The following UBE3C variants were observed in gnomAD, a reference collection of about 807,000 sequenced individuals.
The protein encoded by UBE3C is ubiquitin protein ligase E3C.
Under a neutral mutation model 129.4 loss-of-function variants are expected in UBE3C, and 42 were observed. The observed-to-expected ratio is 0.32, with a 90% CI of 0.25 to 0.42. The LOEUF is 0.42. Ranked by LOEUF, UBE3C falls within the 10% of genes least tolerant of loss-of-function variation. UBE3C has a pLI of 1.00. For synonymous variants in UBE3C, 510 were observed against 492.4 expected (o/e 1.04, Z -0.47); for missense variants, 1,049 against 1,319.1 (o/e 0.80, Z 3.17).
rs571493857 is a variant in UBE3C at position 157,170,837 on chromosome 7, A to G, written c.342+387A>G. ...TGCAAACTCTAAAATACAAGGTCTC[A>G]GTGTTTACATTTTATTATTATTATA... is the stretch of plus-strand genomic sequence containing the variant. On this transcript the variant is annotated intron_variant, in intron 4 of 22. Coordinates refer to ENST00000348165, the MANE Select transcript of UBE3C (RefSeq NM_014671.3). Among the ~76,000 whole-genome samples, 12 of 152,250 alleles carry G rather than the reference A, an allele frequency of 7.9e-5. No individual in the cohort carries two copies. The South Asian group carries it at 2.3e-3, about 29-fold the overall frequency.
intron 18 of UBE3C, among the ~76,000 whole-genome samples, chr7:157,234,126 T>TCTTC (rs10648532): frequency 0.95 from 145,157 of 152,158 alleles, 69,294 homozygotes; most frequent in East Asian, 0.99. Context: ...GCAAGTATTT[T>TCTTC]CTTCTCTGGA....
chr7:157,195,155 G>A (rs1809082233), intron 10 of UBE3C, among the ~76,000 whole-genome samples: 1 of 152,198 alleles, frequency 6.6e-6, no homozygotes, highest in Non-Finnish European at 1.5e-5. Context: ...TTAAGAGTGT[G>A]AATCATAGAT....
intron 13 of UBE3C, among the ~76,000 whole-genome samples, chr7:157,212,975 C>G (rs1809639921): frequency 6.6e-6 from 1 of 152,108 alleles, no homozygotes; most frequent in Non-Finnish European, 1.5e-5. Context: ...CCAGGCTGGT[C>G]TTGAACTCCT....
chr7:157,208,706 G>A (rs541560917), intron 13 of UBE3C, among the ~76,000 whole-genome samples: 6 of 152,082 alleles, frequency 3.9e-5, no homozygotes, highest in South Asian at 2.1e-4. Context: ...ACATATCTTC[G>A]TTCTTAACCA....
At chr7:157,163,974 A>AGAATGTGTGT in intron 2 of UBE3C, 111 bp downstream of exon 2, 1 of 991,452 alleles carries the variant, frequency 1.0e-6, no homozygotes, top group Non-Finnish European at 1.5e-6. Context: ...TATATATGAC[A>AGAATGTGTGT]GAATGTGTGT....
At chr7:157,191,876 A>T (rs1808978269) in intron 10 of UBE3C, among the ~76,000 whole-genome samples, 1 of 152,158 alleles carries the variant, frequency 6.6e-6, no homozygotes, top group Non-Finnish European at 1.5e-5. Context: ...CTGGAGAGAG[A>T]AGTAAATTTT....
intron 1 of UBE3C, among the ~76,000 whole-genome samples, chr7:157,159,456 GAC>G (rs1808008433): frequency 6.6e-6 from 1 of 152,084 alleles, no homozygotes; most frequent in Admixed American, 6.6e-5. Context: ...CAAGTAAAAG[GAC>G]ACATTCAAAA....
intron 1 of UBE3C, among the ~76,000 whole-genome samples, chr7:157,150,889 G>C (rs1196611724): frequency 6.6e-6 from 1 of 152,214 alleles, no homozygotes; most frequent in Non-Finnish European, 1.5e-5. Context: ...TGTGGGGCAG[G>C]CATCTGGATC....
At chr7:157,204,741 T>A (rs1183563614) in intron 11 of UBE3C, among the ~76,000 whole-genome samples, 1 of 152,238 alleles carries the variant, frequency 6.6e-6, no homozygotes, top group Non-Finnish European at 1.5e-5. Context: ...AGGCATCCCT[T>A]GACTACAACA....
At chr7:157,248,053 C>G (rs905507693) in intron 18 of UBE3C, among the ~76,000 whole-genome samples, 3 of 152,206 alleles carry the variant, frequency 2.0e-5, no homozygotes, top group African/African-American at 7.2e-5. Flanking sequence ...GAAGGATTCA[C>G]CATCCTTCTG....
At chr7:157,258,604 C>T (rs549495334) in intron 22 of UBE3C, among the ~76,000 whole-genome samples, 2 of 152,232 alleles carry the variant, frequency 1.3e-5, no homozygotes, top group African/African-American at 2.4e-5. Context: ...TGATTACAGG[C>T]GTGCGCCTCC....
intron 5 of UBE3C, 93 bp from the exon 6 acceptor site, chr7:157,178,597 A>G: frequency 1.5e-6 from 2 of 1,293,678 alleles, no homozygotes; most frequent in African/African-American, 1.5e-5. Flanking sequence ...GTACTGGAAT[A>G]GTTTCTTAAC....
intron 6 of UBE3C, among the ~76,000 whole-genome samples, chr7:157,179,606 C>T (rs1286739156): frequency 1.3e-5 from 2 of 152,126 alleles, no homozygotes; most frequent in African/African-American, 2.4e-5. Flanking sequence ...TTCAGGACTC[C>T]TGGGCTCGAG....
At chr7:157,198,020 T>A in intron 10 of UBE3C, 2 of 1,604,692 alleles carry the variant, frequency 1.2e-6, no homozygotes, top group Non-Finnish European at 1.7e-6. Flanking sequence ...CCCAATTCAC[T>A]TGGCCACCAT....
intron 3 of UBE3C, among the ~76,000 whole-genome samples, chr7:157,169,388 T>TTC (rs397836107): frequency 6.6e-6 from 1 of 151,574 alleles, no homozygotes; most frequent in African/African-American, 2.4e-5. Flanking sequence ...TTTTTTTTTT[T>TTC]AAATTGAGAC....
chr7:157,213,254 G>T (rs1287088316), intron 13 of UBE3C, among the ~76,000 whole-genome samples: 2 of 152,254 alleles, frequency 1.3e-5, no homozygotes, highest in East Asian at 3.8e-4. Flanking sequence ...GATACAGCTA[G>T]TTGTTCCAGT....
chr7:157,155,745 G>T (rs941572974), intron 1 of UBE3C, among the ~76,000 whole-genome samples: 1 of 152,204 alleles, frequency 6.6e-6, no homozygotes, highest in African/African-American at 2.4e-5. Flanking sequence ...GCATTTGTAA[G>T]ATTTGGTCAT....
chr7:157,180,682 A>T, intron 6 of UBE3C, among the ~76,000 whole-genome samples: 1 of 152,212 alleles, frequency 6.6e-6, no homozygotes, highest in East Asian at 1.9e-4. Flanking sequence ...GATTTGGATC[A>T]TTCTTGATAC....
In UBE3C at chr7:157,228,859, C is replaced by A. The variant is rs563749484; in HGVS notation, c.2234-2221C>A. 5.3e-5 allele frequency among the ~76,000 whole-genome samples: 8 copies of A among 152,302 alleles called. No individual in the cohort carries two copies. In the East Asian group the frequency reaches 1.5e-3, roughly 29 times the overall value. ...ACACATATCATAGACTATTTACACTCCAGGTACGGTAACTTCAAAATTACT... is the reference window on the plus strand; with the variant it reads ...ACACATATCATAGACTATTTACACTACAGGTACGGTAACTTCAAAATTACT... On this transcript the variant is annotated intron_variant, in intron 17 of 22. Coordinates refer to ENST00000348165, the MANE Select transcript of UBE3C (RefSeq NM_014671.3).
Sources: allele counts gnomAD v4.1 joint callset (sites outside exome capture counted in the v4.1 genomes callset), GRCh38; gene constraint gnomAD v4.1.1; transcripts MANE v1.5; gene names NCBI Gene and HGNC (gene_info 2026-07-23, HGNC 2026-07-21).